PTPRR: variants seen among roughly 807,000 people sequenced by gnomAD.
PTPRR encodes the protein protein tyrosine phosphatase receptor type R.
PTPRR carries 38 observed loss-of-function variants against 77.2 expected under a neutral mutation model. The ratio of observed to expected loss-of-function variants is 0.49; its 90% CI spans 0.38 to 0.65. The LOEUF is 0.65. Ranked by LOEUF, PTPRR falls within the 30% of genes least tolerant of loss-of-function variation. PTPRR has a pLI of 0.00. For synonymous variants in PTPRR, 299 were observed against 283.1 expected, an observed-to-expected ratio of 1.06 and a Z score of -0.57; for missense variants, 744 against 799.2, an observed-to-expected ratio of 0.93 and a Z score of 0.83.
At chr12:70,879,596 C>T (rs1314845169) in intron 2 of PTPRR, among the ~76,000 whole-genome samples, 1 of 152,098 alleles carries the variant, frequency 6.6e-6, no homozygotes, top group Non-Finnish European at 1.5e-5. Context: ...TTGGGGCTTG[C>T]TGAGCAATGA....
At chr12:70,914,230 T>C (rs1247364372) in intron 1 of PTPRR, among the ~76,000 whole-genome samples, 1 of 152,194 alleles carries the variant, frequency 6.6e-6, no homozygotes, top group Non-Finnish European at 1.5e-5. Flanking sequence ...GTGATATTAG[T>C]GTGCAAAGGA....
At position 70,767,081 on chromosome 12, in the gene PTPRR, C is replaced by T. The variant is rs182689824; in HGVS notation, c.358-2303G>A. ...AATCACGCCAAAATGTAAAGACCATCGAGACTAGGAAGAAACTACATCAAC... is the reference window on the plus strand; with the variant it reads ...AATCACGCCAAAATGTAAAGACCATTGAGACTAGGAAGAAACTACATCAAC... On this transcript the variant is annotated intron_variant, in intron 2 of 13. Coordinates refer to ENST00000283228, the MANE Select transcript of PTPRR (RefSeq NM_002849.4). Among the ~76,000 whole-genome samples, 94 of 152,154 alleles carry T rather than the reference C, an allele frequency of 6.2e-4. 1 individual carries two copies. The East Asian group carries it at 7.9e-3, about 13-fold the overall frequency.
At chr12:70,863,620 GT>G (rs1008294858) in intron 2 of PTPRR, among the ~76,000 whole-genome samples, 8 of 151,218 alleles carry the variant, frequency 5.3e-5, no homozygotes, top group African/African-American at 1.9e-4. Flanking sequence ...AATTTTAATA[GT>G]TTTTTTTGTT....
chr12:70,862,752 A>T (rs776819459), intron 2 of PTPRR, among the ~76,000 whole-genome samples: 8 of 75,658 alleles, frequency 1.1e-4, no homozygotes, highest in Non-Finnish European at 2.1e-4. Flanking sequence ...ATAATAAAAT[A>T]AAAAAAAGGG....
At chr12:70,830,403 T>A (rs1474776736) in intron 2 of PTPRR, among the ~76,000 whole-genome samples, 1 of 152,102 alleles carries the variant, frequency 6.6e-6, no homozygotes, top group Non-Finnish European at 1.5e-5. Context: ...AATAAATACT[T>A]AAAATAAATA....
At chr12:70,855,804 A>G (rs958774734) in intron 2 of PTPRR, among the ~76,000 whole-genome samples, 2 of 152,320 alleles carry the variant, frequency 1.3e-5, no homozygotes, top group Middle Eastern at 3.4e-3. Flanking sequence ...CATTTAAACA[A>G]CAAAGCACTG....
At chr12:70,847,051 A>G (rs1004124080) in intron 2 of PTPRR, among the ~76,000 whole-genome samples, 19 of 152,022 alleles carry the variant, frequency 1.2e-4, no homozygotes, top group Admixed American at 5.2e-4. Context: ...ATCTTGTGAA[A>G]CTCAATGATG....
intron 2 of PTPRR, among the ~76,000 whole-genome samples, chr12:70,888,459 C>T (rs1893279698): frequency 6.6e-6 from 1 of 152,094 alleles, no homozygotes; most frequent in African/African-American, 2.4e-5. Flanking sequence ...CATGTACTTT[C>T]AGTAGTTGTT....
chr12:70,808,013 G>T (rs1054813015), intron 2 of PTPRR, among the ~76,000 whole-genome samples: 7 of 152,158 alleles, frequency 4.6e-5, no homozygotes, highest in African/African-American at 1.7e-4. Flanking sequence ...GGTAAGAGAA[G>T]TATTGCTGAA....
chr12:70,810,944 G>C (rs2137030523), intron 2 of PTPRR, among the ~76,000 whole-genome samples: 1 of 152,258 alleles, frequency 6.6e-6, no homozygotes, highest in East Asian at 1.9e-4. Context: ...TGATTTAACT[G>C]ATTATTCTCC....
In PTPRR at chr12:70,762,156, C is replaced by T. The variant is rs138036883; in HGVS notation, c.472-530G>A. Among the ~76,000 whole-genome samples, 329 of 152,284 alleles carry T rather than the reference C, an allele frequency of 2.2e-3. 2 individuals carry two copies. The highest frequency in any genetic ancestry group is 7.6e-3 in the African/African-American group (317 of 41,550). Reference sequence around the variant, plus strand: ...TGTTCTTCACGTCAAATATGTCACACATTTAAAATTGGTCATTTGGTGGAA... The same window carrying T: ...TGTTCTTCACGTCAAATATGTCACATATTTAAAATTGGTCATTTGGTGGAA... On this transcript the variant is annotated intron_variant, in intron 3 of 13. Coordinates refer to ENST00000283228, the MANE Select transcript of PTPRR (RefSeq NM_002849.4).
intron 2 of PTPRR, among the ~76,000 whole-genome samples, chr12:70,866,238 A>G (rs1457240629): frequency 6.6e-6 from 1 of 152,182 alleles, no homozygotes; most frequent in African/African-American, 2.4e-5. Flanking sequence ...AAATTAATGA[A>G]TCCAGGAGGT....
intron 10 of PTPRR, among the ~76,000 whole-genome samples, chr12:70,668,290 G>A (rs1214965452): frequency 1.4e-5 from 2 of 145,100 alleles, no homozygotes; most frequent in South Asian, 4.5e-4. Flanking sequence ...AGGAGGAGGA[G>A]GAGGAGCAGC....
At chr12:70,888,030 G>GTC in intron 2 of PTPRR, among the ~76,000 whole-genome samples, 1 of 151,560 alleles carries the variant, frequency 6.6e-6, no homozygotes, top group Non-Finnish European at 1.5e-5. Context: ...GTGTGTGTGT[G>GTC]GGTGTGTGTG....
chr12:70,885,512 C>T lies in PTPRR; in HGVS notation c.357+7167G>A, dbSNP rs1168240805. 4.6e-5 allele frequency among the ~76,000 whole-genome samples: 7 copies of T among 151,484 alleles called. No individual in the cohort carries two copies. The East Asian group carries it at 1.4e-3, about 29-fold the overall frequency. ...GAATATATAGAGAGAGCAAGATTACCTTAGTTATTTAACAGTTAAGGATTT... is the reference window on the plus strand; with the variant it reads ...GAATATATAGAGAGAGCAAGATTACTTTAGTTATTTAACAGTTAAGGATTT... On this transcript the variant is annotated intron_variant, in intron 2 of 13. Coordinates refer to ENST00000283228, the MANE Select transcript of PTPRR (RefSeq NM_002849.4).
At chr12:70,905,607 A>G (rs948654700) in intron 1 of PTPRR, among the ~76,000 whole-genome samples, 3 of 151,992 alleles carry the variant, frequency 2.0e-5, no homozygotes, top group African/African-American at 7.2e-5. Flanking sequence ...TAGCCTCTGA[A>G]GAGATCTTTA....
chr12:70,741,175 G>A (rs999066145), intron 6 of PTPRR, among the ~76,000 whole-genome samples: 2 of 152,170 alleles, frequency 1.3e-5, no homozygotes, highest in Non-Finnish European at 2.9e-5. Context: ...TTATCTCCAG[G>A]AGCTCCTGGT....
At chr12:70,819,477 G>A (rs183037123) in intron 2 of PTPRR, among the ~76,000 whole-genome samples, 3 of 152,296 alleles carry the variant, frequency 2.0e-5, no homozygotes, top group East Asian at 1.9e-4. Context: ...GGGGCTGCTG[G>A]AAGATTCCAT....
At chr12:70,874,541 T>A (rs1441938699) in intron 2 of PTPRR, among the ~76,000 whole-genome samples, 4 of 152,220 alleles carry the variant, frequency 2.6e-5, no homozygotes, top group Non-Finnish European at 5.9e-5. Context: ...CTGGTAGGGA[T>A]GAATGGTGGA....
Sources: allele counts gnomAD v4.1 joint callset (sites outside exome capture counted in the v4.1 genomes callset), GRCh38; gene constraint gnomAD v4.1.1; transcripts MANE v1.5; gene names NCBI Gene and HGNC (gene_info 2026-07-23, HGNC 2026-07-21).